Variants in IDE observed in about 807,000 individuals in gnomAD.
IDE encodes the protein insulin degrading enzyme, also known as insulin-degrading enzyme.
A neutral mutation model predicts 133.2 loss-of-function variants in IDE; 58 were observed. The observed-to-expected ratio is 0.44, with a 90% confidence interval of 0.35 to 0.54. IDE has a LOEUF of 0.54. Ranked by LOEUF, IDE falls within the 20% of genes least tolerant of loss-of-function variation. The pLI, the probability that IDE is intolerant of heterozygous loss-of-function variation, is 0.00. For missense variants in IDE, 981 were observed against 1,234.0 expected (o/e 0.79, Z 3.07); for synonymous variants, 396 against 421.3 (o/e 0.94, Z 0.73).
chr10:92,538,071 A>G (rs140398231), intron 1 of IDE, among the ~76,000 whole-genome samples: 1 of 152,172 alleles, frequency 6.6e-6, no homozygotes, highest in East Asian at 1.9e-4. Flanking sequence ...ATGGGATTTC[A>G]ACTTGTTACC....
rs1443977088 is a variant in IDE, at chr10:92,454,545, A to G, written c.2965-6T>C. 1 of 1,610,580 alleles carries G rather than the reference A, an allele frequency of 6.2e-7. No individual in the cohort carries two copies. The highest frequency in any genetic ancestry group is 1.1e-5 in the South Asian group (1 of 91,018). ...ATGTTCTGAATCACTTCAGGCTGCA[A>G]AGAAAAAAGTTTCCTTTTAGTGTAT... On this transcript the variant is annotated splice_region_variant and splice_polypyrimidine_tract_variant and intron_variant, in intron 24 of 24. Coordinates refer to ENST00000265986, the MANE Select transcript of IDE (RefSeq NM_004969.4).
chr10:92,500,327 G>C (rs1847937961), intron 11 of IDE, among the ~76,000 whole-genome samples: 2 of 151,110 alleles, frequency 1.3e-5, no homozygotes, highest in Non-Finnish European at 2.9e-5. Context: ...CTGACTGATA[G>C]ATGAATGCAT....
Position 92,471,675 on chromosome 10 carries a change from C to T in IDE, c.2117-1330G>A, listed in dbSNP as rs548614512. ...TATGCTTCACCACCAGACTGGAGCT[C>T]CTTGATCAAAGAAACCCCATCTAAT... On this transcript the variant is annotated intron_variant, in intron 17 of 24. Coordinates refer to ENST00000265986, the MANE Select transcript of IDE (RefSeq NM_004969.4). 4.9e-3 allele frequency among the ~76,000 whole-genome samples: 750 copies of T among 152,118 alleles called. 9 individuals are homozygous for T. Among genetic ancestry groups the T allele is most frequent in the African/African-American group, 0.017 (713 of 41,514 alleles).
chr10:92,535,107 TATTTA>T (rs1488472178), intron 2 of IDE, among the ~76,000 whole-genome samples: 1 of 152,118 alleles, frequency 6.6e-6, no homozygotes, highest in Non-Finnish European at 1.5e-5. Flanking sequence ...TTTATTTATT[TATTTA>T]TTTATTTTTG....
chr10:92,572,967 G>T, intron 1 of IDE: 1 of 985,266 alleles, frequency 1.0e-6, no homozygotes, highest in Non-Finnish European at 1.2e-6. Context: ...TCAAGTCAAA[G>T]TTCCTTGGAA....
Position 92,507,601 on chromosome 10 carries a change from G to C in IDE, c.1219C>G (p.Gln407Glu). The C allele has an allele frequency of 6.2e-7, 1 of 1,605,892 alleles. No individual in the cohort carries two copies. Among genetic ancestry groups the C allele is most frequent in the South Asian group, 1.1e-5 (1 of 90,880 alleles). Residue 407 changes from glutamine (Q) to glutamate (E), a missense_variant, in exon 9 of 25, where the codon CAA (glutamine) becomes GAA (glutamate). By Grantham distance (29) the Gln-to-Glu change is conservative. Transcript: ENST00000265986. ...YIQKLRAEGPQEWVFQECKDL... is the reference protein window; with the variant it reads ...YIQKLRAEGPEEWVFQECKDL... ...TTGCACTCTTGGAAAACCCATTCTT[G>C]AGGTCCTTCTGCACGTAACTTCTGA...
In IDE at chr10:92,550,646, G is replaced by A. The variant is rs867937815; in HGVS notation, c.99-13096C>T. Among the ~76,000 whole-genome samples the A allele has an allele frequency of 1.2e-4, 11 of 90,342 alleles. No individual in the cohort carries two copies. In the East Asian group the frequency reaches 3.1e-3, roughly 26 times the overall value. The allele number at this position is 90,342 out of a possible 152,430, so 59.3% of individuals were successfully genotyped here. ...AGCCTGGGCAACAGAGCTAGACTCC[G>A]TCTCAAAAAAAAAAAAAAAAAAAAA... On this transcript the variant is annotated intron_variant, in intron 1 of 24. Coordinates refer to ENST00000265986, the MANE Select transcript of IDE (RefSeq NM_004969.4).
Position 92,454,331 on chromosome 10 carries a change from G to A in IDE, c.*113C>T. The A allele has an allele frequency of 1.5e-6, 1 of 672,812 alleles. No individual in the cohort carries two copies. Among genetic ancestry groups the A allele is most frequent in the South Asian group, 2.1e-5 (1 of 47,396 alleles). 41.7% of individuals were successfully genotyped at this position (672,812 alleles called of 1,614,324 possible). A position where few individuals can be genotyped will look rare whatever the true frequency, so the allele number is the denominator to read the frequency against. On this transcript the variant is annotated 3_prime_UTR_variant, in exon 25 of 25. Coordinates refer to ENST00000265986, the MANE Select transcript of IDE (RefSeq NM_004969.4). ...ACATAATGACATTTGACAATTTTTT[G>A]TTTGTTTCTCTAATAGTGAATCAGA...
intron 1 of IDE, among the ~76,000 whole-genome samples, chr10:92,559,920 A>G (rs1431798382): frequency 6.6e-6 from 1 of 151,926 alleles, no homozygotes; most frequent in Non-Finnish European, 1.5e-5. Context: ...TATTTTTTGT[A>G]GAGATAGGGT....
intron 15 of IDE, 114 bp from the exon 16 acceptor site, chr10:92,476,108 A>C (rs1846238388): frequency 3.2e-6 from 2 of 633,238 alleles, no homozygotes; most frequent in South Asian, 3.8e-5. Context: ...GTAAAAAATG[A>C]AACAAATTCA....
chr10:92,462,580 C>G (rs984794687), intron 21 of IDE, among the ~76,000 whole-genome samples: 1 of 152,088 alleles, frequency 6.6e-6, no homozygotes, highest in Non-Finnish European at 1.5e-5. Context: ...GCACTCCAGC[C>G]TGGGCAACAA....
chr10:92,539,705 A>G (rs1842201805), intron 1 of IDE, among the ~76,000 whole-genome samples: 1 of 152,122 alleles, frequency 6.6e-6, no homozygotes, highest in Admixed American at 6.6e-5. Context: ...CAAAGGTTGC[A>G]GTGAGCTGAG....
At chr10:92,534,122 C>T (rs1282706355) in intron 3 of IDE, among the ~76,000 whole-genome samples, 4 of 152,002 alleles carry the variant, frequency 2.6e-5, no homozygotes, top group African/African-American at 7.3e-5. Context: ...GAAATTAAAT[C>T]GGCCTAATGG....
At chr10:92,485,769 C>T (rs1342657579) in intron 13 of IDE, among the ~76,000 whole-genome samples, 1 of 152,022 alleles carries the variant, frequency 6.6e-6, no homozygotes, top group Non-Finnish European at 1.5e-5. Context: ...ATAGCAAGAT[C>T]CCATCTCTAC....
At chr10:92,515,113 C>T (rs925945656) in intron 4 of IDE, 71 bp from the exon 5 acceptor site, 30 of 1,187,888 alleles carry the variant, frequency 2.5e-5, no homozygotes, top group Non-Finnish European at 3.2e-5. Flanking sequence ...GTAATTATCA[C>T]TGATATTGCT....
At chr10:92,488,199 G>A (rs1477217465) in intron 12 of IDE, among the ~76,000 whole-genome samples, 1 of 151,476 alleles carries the variant, frequency 6.6e-6, no homozygotes, top group Admixed American at 6.6e-5. Flanking sequence ...CTACCTCCCA[G>A]GTTCAAACGA....
chr10:92,518,305 C>T (rs1016054046), intron 4 of IDE, among the ~76,000 whole-genome samples: 3 of 152,110 alleles, frequency 2.0e-5, no homozygotes, highest in African/African-American at 7.2e-5. Context: ...ACTGCATGGC[C>T]TTGAACAAGT....
chr10:92,475,092 AGT>A (rs1293297119), intron 16 of IDE, 131 bp from the exon 17 acceptor site: 23 of 675,724 alleles, frequency 3.4e-5, no homozygotes, highest in Middle Eastern at 4.2e-4. Context: ...CCCTTTCTGA[AGT>A]TATATAATTA....
In IDE at chr10:92,574,086, C is replaced by G. The variant is rs941817288; in HGVS notation, c.-67G>C. ...TTGCGCTTCGAGCCGGCCCTGCGCA[C>G]TGCGCATGCTCTAGCCGCGGCGCCG... On this transcript the variant is annotated 5_prime_UTR_variant, in exon 1 of 25. Transcript: ENST00000265986. 15 of 1,283,248 alleles carry G rather than the reference C, an allele frequency of 1.2e-5. No homozygotes were observed. In the African/African-American group the frequency reaches 2.2e-4, roughly 19 times the overall value. The allele number at this position is 1,283,248 out of a possible 1,614,324, so 79.5% of individuals were successfully genotyped here. A position where few individuals can be genotyped will look rare whatever the true frequency, so the allele number is the denominator to read the frequency against.
Sources: gnomAD v4.1 joint callset for allele counts (sites outside exome capture counted in the v4.1 genomes callset) on GRCh38, gnomAD v4.1.1 for gene constraint, MANE v1.5 for transcripts, NCBI Gene and HGNC (gene_info 2026-07-23, HGNC 2026-07-21) for gene names.